SYNE2: variants seen among roughly 807,000 people sequenced by gnomAD.
SYNE2 encodes the protein nesprin-2.
A neutral mutation model predicts 856.3 loss-of-function variants in SYNE2; 431 were observed. That is an observed-to-expected ratio of 0.50 (90% CI 0.47 to 0.55). The LOEUF (loss-of-function observed/expected upper bound fraction) is 0.55. Among genes scored for constraint, SYNE2 ranks in the 20% least tolerant of loss-of-function variants. The pLI is 0.00. For synonymous variants in SYNE2, 2,923 were observed against 2,872.3 expected, an observed-to-expected ratio of 1.02 and a Z score of -0.56; for missense variants, 8,129 against 8,023.2, an observed-to-expected ratio of 1.01 and a Z score of -0.50.
intron 49 of SYNE2, among the ~76,000 whole-genome samples, chr14:64,059,452 T>G (rs1194064383): frequency 6.6e-6 from 1 of 152,224 alleles, no homozygotes; most frequent in Non-Finnish European, 1.5e-5. Context: ...TGGTCTTGTA[T>G]AAGATCTGGA....
rs2097030779 is a variant in SYNE2, at chr14:64,031,092, A to C, written c.6956A>C (p.Asn2319Thr). 2 of 1,614,002 alleles carry C rather than the reference A, an allele frequency of 1.2e-6. No homozygotes were observed. Among genetic ancestry groups the C allele is most frequent in the Non-Finnish European group, 1.7e-6 (2 of 1,180,018 alleles). The stretch of plus-strand genomic sequence containing the variant: ...GCTTTAGCAAAATCCGTCAAGCAAA[A>C]TACATCTTCAGTGGGGCAGAAGATT... ...ILALAKSVKQNTSSVGQKIIK... is the reference protein window; with the variant it reads ...ILALAKSVKQTTSSVGQKIIK... Residue 2319 changes from asparagine to threonine, a missense_variant, in exon 45 of 116, where the codon AAT becomes ACT. This residue lies in a region of SYNE2 where 297 missense variants were observed against 380.9 expected (regional missense o/e 0.78). Coordinates refer to ENST00000555002, the MANE Select transcript of SYNE2 (RefSeq NM_182914.3).
chr14:64,192,225 C>T (rs1047981833), intron 99 of SYNE2, among the ~76,000 whole-genome samples: 2 of 151,602 alleles, frequency 1.3e-5, no homozygotes, highest in Non-Finnish European at 1.5e-5. Context: ...TCAGTGCATT[C>T]GTTAAGAATA....
Position 64,210,002 on chromosome 14 carries a change from C to A in SYNE2, c.18601C>A (p.Arg6201=), listed in dbSNP as rs151081811. The A allele has an allele frequency of 1.1e-5, 17 of 1,613,982 alleles. No individual in the cohort carries two copies. The African/African-American group carries it at 1.9e-4, about 18-fold the overall frequency. The part of the protein sequence containing the change: ...TQLELINKQY[R]RLARENRTDT... ...GCTGGAGCTCATCAACAAGCAGTACCGGCGGCTGGCCCGGGAGAACCGCAC... is the reference window on the plus strand; with the variant it reads ...GCTGGAGCTCATCAACAAGCAGTACAGGCGGCTGGCCCGGGAGAACCGCAC... The change falls in exon 103 of 116, where the codon CGG becomes AGG. Residue 6201 remains arginine (R), a synonymous_variant. Transcript: ENST00000555002.
chr14:63,840,096 T>A (rs918577111), intron 1 of SYNE2, among the ~76,000 whole-genome samples: 2 of 151,986 alleles, frequency 1.3e-5, no homozygotes, highest in African/African-American at 4.8e-5. Flanking sequence ...TGGTGAAACC[T>A]CCTCTCTACC....
At chr14:64,222,928 CTTCT>C (rs1180728370) in intron 112 of SYNE2, among the ~76,000 whole-genome samples, 2 of 152,184 alleles carry the variant, frequency 1.3e-5, no homozygotes, top group Admixed American at 6.5e-5. Flanking sequence ...ACTTGCCTCA[CTTCT>C]TTCTTCTAAT....
intron 77 of SYNE2, 56 bp downstream of exon 77, chr14:64,132,494 C>T: frequency 6.3e-7 from 1 of 1,591,428 alleles, no homozygotes. Flanking sequence ...TTTTCCATCA[C>T]CACCCCAGGT....
chr14:64,079,570 T>C (rs1288701367), intron 55 of SYNE2, among the ~76,000 whole-genome samples: 2 of 152,216 alleles, frequency 1.3e-5, no homozygotes, highest in Non-Finnish European at 2.9e-5. Flanking sequence ...TATTTTACCT[T>C]TGAAATTTTC....
At chr14:63,866,485 A>T (rs1364070692) in intron 1 of SYNE2, among the ~76,000 whole-genome samples, 1 of 152,174 alleles carries the variant, frequency 6.6e-6, no homozygotes, top group African/African-American at 2.4e-5. Flanking sequence ...CAACACAGCT[A>T]GACCCCATCT....
chr14:63,884,307 A>G (rs2094931813), intron 1 of SYNE2, among the ~76,000 whole-genome samples: 1 of 152,192 alleles, frequency 6.6e-6, no homozygotes, highest in Admixed American at 6.5e-5. Context: ...TGAAGACAGA[A>G]AAACTAAGAA....
chr14:64,148,726 C>G (rs2098211296), intron 84 of SYNE2, among the ~76,000 whole-genome samples: 1 of 152,036 alleles, frequency 6.6e-6, no homozygotes. Flanking sequence ...TAAACAAGGC[C>G]AAGATGGAAG....
chr14:64,177,616 T>C, intron 96 of SYNE2, 133 bp downstream of exon 96: 4 of 1,135,816 alleles, frequency 3.5e-6, no homozygotes, highest in Non-Finnish European at 3.9e-6. Flanking sequence ...CCGATCTGTC[T>C]AACATAACAT....
At chr14:64,106,167 G>C (rs2097770399) in intron 64 of SYNE2, among the ~76,000 whole-genome samples, 1 of 141,000 alleles carries the variant, frequency 7.1e-6, no homozygotes, top group African/African-American at 2.7e-5. Flanking sequence ...GCTGATTTTT[G>C]ATATTGTCAG....
intron 87 of SYNE2, among the ~76,000 whole-genome samples, chr14:64,160,970 A>T (rs577098923): frequency 6.6e-6 from 1 of 152,172 alleles, no homozygotes; most frequent in Non-Finnish European, 1.5e-5. Flanking sequence ...AGAAAAAAAA[A>T]CCCACAGACC....
At chr14:63,985,396 T>C (rs1011188261) in intron 18 of SYNE2, among the ~76,000 whole-genome samples, 1 of 150,788 alleles carries the variant, frequency 6.6e-6, no homozygotes, top group African/African-American at 2.4e-5. Flanking sequence ...AATTTGTCAA[T>C]ATATAGTTTA....
intron 66 of SYNE2, among the ~76,000 whole-genome samples, chr14:64,116,801 C>T (rs2097856755): frequency 1.7e-4 from 26 of 152,018 alleles, no homozygotes; most frequent in Admixed American, 1.7e-3. Flanking sequence ...AAGTGAAGAA[C>T]TAGAAACAAA....
chr14:63,883,857 G>T (rs1212107501), intron 1 of SYNE2, among the ~76,000 whole-genome samples: 1 of 142,088 alleles, frequency 7.0e-6, no homozygotes, highest in Admixed American at 7.8e-5. Flanking sequence ...TACAGAAGCT[G>T]GTGAATTTTT....
At chr14:63,950,418 G>A (rs2096133267) in intron 7 of SYNE2, among the ~76,000 whole-genome samples, 1 of 152,102 alleles carries the variant, frequency 6.6e-6, no homozygotes, top group East Asian at 1.9e-4. Flanking sequence ...AGCCTGGCGT[G>A]GTGGCATGTG....
chr14:64,043,819 G>A (rs1373584764), intron 45 of SYNE2, among the ~76,000 whole-genome samples: 1 of 152,258 alleles, frequency 6.6e-6, no homozygotes, highest in Admixed American at 6.5e-5. Flanking sequence ...CTAAGGCAGT[G>A]CAGAAGGGAA....
chr14:64,102,117 CTT>C, intron 64 of SYNE2, 75 bp downstream of exon 64: 13 of 1,034,796 alleles, frequency 1.3e-5, no homozygotes, highest in Non-Finnish European at 1.8e-5. Context: ...TTCTGCACGA[CTT>C]TCTTTCCCTA....
Sources: allele counts gnomAD v4.1 joint callset (sites outside exome capture counted in the v4.1 genomes callset), GRCh38; gene constraint gnomAD v4.1.1; regional missense constraint gnomAD v4.1.1; transcripts MANE v1.5; gene names NCBI Gene and HGNC (gene_info 2026-07-23, HGNC 2026-07-21).